The following TTC39B variants were observed in gnomAD, a reference collection of about 807,000 sequenced individuals.
TTC39B encodes tetratricopeptide repeat domain 39B.
Under a neutral mutation model 96.6 loss-of-function variants are expected in TTC39B, and 92 were observed. That is an observed-to-expected ratio of 0.95 (90% confidence interval 0.80 to 1.13). The LOEUF is 1.13. Ranked by LOEUF, TTC39B falls within the 50% of genes most tolerant of loss-of-function variation. TTC39B has a pLI of 0.00. For synonymous variants in TTC39B, 367 were observed against 299.4 expected (o/e 1.23, Z -2.33); for missense variants, 955 against 809.3 (o/e 1.18, Z -2.18).
At chr9:15,298,707 A>G (rs1824471439) in intron 1 of TTC39B, among the ~76,000 whole-genome samples, 1 of 152,082 alleles carries the variant, frequency 6.6e-6, no homozygotes, top group Non-Finnish European at 1.5e-5. Context: ...CAGCCAAACC[A>G]TATCAATAAT....
chr9:15,172,152 A>G, intron 19 of TTC39B, 43 bp from the exon 20 acceptor site: 2 of 1,420,348 alleles, frequency 1.4e-6, no homozygotes, highest in Non-Finnish European at 2.0e-6. Context: ...AAATTTCCTT[A>G]TATACCAGGT....
chr9:15,274,999 C>G (rs1030998918), intron 1 of TTC39B, among the ~76,000 whole-genome samples: 14 of 151,020 alleles, frequency 9.3e-5, no homozygotes, highest in African/African-American at 3.2e-4. Context: ...CCTGGTTGCT[C>G]TTGTGCCAGG....
chr9:15,176,379 C>T (rs1260820200), intron 18 of TTC39B, among the ~76,000 whole-genome samples: 1 of 152,166 alleles, frequency 6.6e-6, no homozygotes, highest in Non-Finnish European at 1.5e-5. Context: ...ATTTCTTTAA[C>T]ATGTTTACTA....
exon 15 of TTC39B, chr9:15,187,028 T>G: frequency 6.2e-7 from 1 of 1,610,534 alleles, no homozygotes; most frequent in South Asian, 1.1e-5. Flanking sequence ...CAAGAACACA[T>G]AAGTTGCCTT....
chr9:15,252,593 A>G lies in TTC39B; in HGVS notation c.275+15321T>C, dbSNP rs538479062. On this transcript the variant is annotated intron_variant, in intron 2 of 19. Transcript: ENST00000512701. Reference sequence around the variant, plus strand: ...AACCTGGGAGGCACAGGTTGCAGTGAGCCAAGATGGCGCTATGGCACTCCA... The same window carrying G: ...AACCTGGGAGGCACAGGTTGCAGTGGGCCAAGATGGCGCTATGGCACTCCA... 1.5e-3 allele frequency among the ~76,000 whole-genome samples: 232 copies of G among 152,254 alleles called. 1 individual carries two copies. Among genetic ancestry groups the G allele is most frequent in the Non-Finnish European group, 2.4e-3 (162 of 68,020 alleles).
At chr9:15,187,092 C>G (rs1337255360) in intron 14 of TTC39B, 57 bp from the exon 15 acceptor site, 1 of 1,304,022 alleles carries the variant, frequency 7.7e-7, no homozygotes, top group Non-Finnish European at 1.1e-6. Context: ...ACATTTCTAC[C>G]TTTCAAATCA....
chr9:15,217,601 C>G (rs1410221384), intron 3 of TTC39B, among the ~76,000 whole-genome samples: 1 of 152,178 alleles, frequency 6.6e-6, no homozygotes, highest in Non-Finnish European at 1.5e-5. Context: ...ATCTCTCGGA[C>G]ACACGTGTTC....
At chr9:15,214,072 C>T in intron 4 of TTC39B, 67 bp downstream of exon 4, 1 of 1,211,254 alleles carries the variant, frequency 8.3e-7, no homozygotes, top group South Asian at 1.3e-5. Context: ...AATTTACAAG[C>T]ATGACATCAA....
Position 15,210,821 on chromosome 9 carries a change from C to A in TTC39B, c.614+445G>T, listed in dbSNP as rs926291982. The stretch of plus-strand genomic sequence containing the variant: ...AAAATTTTGATAGGGTCTTCCTATA[C>A]ACACAAAGTAAAGCTTAAAATAAAA... On this transcript the variant is annotated intron_variant, in intron 5 of 19. Transcript: ENST00000512701. 6.7e-5 allele frequency among the ~76,000 whole-genome samples: 10 copies of A among 148,990 alleles called. No individual in the cohort carries two copies. In the East Asian group the frequency reaches 1.9e-3, roughly 29 times the overall value.
chr9:15,277,363 G>A (rs1327022084), intron 1 of TTC39B, among the ~76,000 whole-genome samples: 7 of 152,184 alleles, frequency 4.6e-5, no homozygotes, highest in Admixed American at 6.5e-5. Context: ...GGGAGGCAGC[G>A]GTTGCAGTGA....
chr9:15,215,213 T>C (rs1564355191), intron 3 of TTC39B, among the ~76,000 whole-genome samples: 1 of 152,176 alleles, frequency 6.6e-6, no homozygotes, highest in Non-Finnish European at 1.5e-5. Context: ...ATCACGCCAC[T>C]GTACTCCAGC....
chr9:15,275,386 T>A (rs1823503641), intron 1 of TTC39B, among the ~76,000 whole-genome samples: 1 of 152,154 alleles, frequency 6.6e-6, no homozygotes, highest in Admixed American at 6.5e-5. Flanking sequence ...GGCCTTAGGG[T>A]TGATGAAGTA....
At position 15,175,388 on chromosome 9, in the gene TTC39B, G is replaced by A. The variant is rs191091659; in HGVS notation, c.1842-253C>T. ...ATCGCTGTCTCTTAAGTAAATCAGC[G>A]CATACGGATCTTTAAAGATTAACCC... On this transcript the variant is annotated intron_variant, in intron 18 of 19. Transcript: ENST00000512701. Among the ~76,000 whole-genome samples the A allele has an allele frequency of 1.5e-4, 23 of 152,080 alleles. No individual in the cohort carries two copies. The East Asian group carries it at 1.7e-3, about 12-fold the overall frequency.
At chr9:15,189,420 A>G (rs1434055389) in intron 13 of TTC39B, among the ~76,000 whole-genome samples, 154 bp downstream of exon 13, 5 of 152,090 alleles carry the variant, frequency 3.3e-5, no homozygotes, top group Non-Finnish European at 7.4e-5. Context: ...TATACAAGTT[A>G]AAAGTTTTGG....
intron 2 of TTC39B, among the ~76,000 whole-genome samples, chr9:15,226,328 T>C (rs972878423): frequency 3.9e-5 from 6 of 152,332 alleles, no homozygotes; most frequent in Non-Finnish European, 7.3e-5. Flanking sequence ...AGTAAATCTA[T>C]ACATATTTTA....
intron 6 of TTC39B, 70 bp from the exon 7 acceptor site, chr9:15,203,960 G>A (rs1819695121): frequency 4.9e-6 from 7 of 1,420,756 alleles, no homozygotes; most frequent in Non-Finnish European, 2.9e-6. Flanking sequence ...TGATGTTCAG[G>A]AAAGACTGGC....
intron 2 of TTC39B, chr9:15,249,278 G>A (rs938538933): frequency 2.0e-5 from 3 of 152,098 alleles, no homozygotes; most frequent in Admixed American, 6.6e-5. Flanking sequence ...ACCCAGCATT[G>A]ATTCTGATGC....
intron 8 of TTC39B, among the ~76,000 whole-genome samples, chr9:15,195,522 T>C (rs1819108799): frequency 1.3e-5 from 2 of 150,456 alleles, no homozygotes; most frequent in South Asian, 4.2e-4. Flanking sequence ...ATACAAAAAT[T>C]AGCCAGGCAC....
intron 3 of TTC39B, among the ~76,000 whole-genome samples, chr9:15,221,679 T>A (rs1820850519): frequency 6.6e-6 from 1 of 152,218 alleles, no homozygotes; most frequent in Admixed American, 6.5e-5. Context: ...GCCGCAGTGC[T>A]TCAAGCTATG....
Sources: allele counts gnomAD v4.1 joint callset (sites outside exome capture counted in the v4.1 genomes callset), GRCh38; gene constraint gnomAD v4.1.1; transcripts MANE v1.5; gene names NCBI Gene and HGNC (gene_info 2026-07-23, HGNC 2026-07-21).